The following NRG4 variants were observed in gnomAD, a reference collection of about 807,000 sequenced individuals.
NRG4 encodes neuregulin 4.
In NRG4, 10 loss-of-function variants were observed where a neutral mutation model predicts 15.0. That is an observed-to-expected ratio of 0.67 (90% CI 0.41 to 1.13). The LOEUF (loss-of-function observed/expected upper bound fraction) is 1.13, where lower values mean the gene tolerates loss of function less well. Among genes scored for constraint, NRG4 ranks in the 50% most tolerant of loss-of-function variants. The probability of loss-of-function intolerance (pLI) is 0.00; values close to 1 mark genes in which losing one functional copy is unlikely to be tolerated. For synonymous variants in NRG4, 41 were observed against 50.1 expected, an observed-to-expected ratio of 0.82 and a Z score of 0.77; for missense variants, 139 against 140.2, an observed-to-expected ratio of 0.99 and a Z score of 0.04.
rs114342708 is a variant in NRG4, at chr15:76,036,266, C to T, written c.-104-275G>A. On this transcript the variant is annotated intron_variant, in intron 4 of 8. Transcript: ENST00000563910. ...TGCTCCAGGCAATAGCTCCTCACAT[C>T]ACTGATTATATTGGCATAAACAACT... Among the ~76,000 whole-genome samples the T allele has an allele frequency of 2.5e-3, 383 of 152,362 alleles. 3 individuals carry two copies. The highest frequency in any genetic ancestry group is 8.8e-3 in the African/African-American group (367 of 41,580).
intron 5 of NRG4, among the ~76,000 whole-genome samples, chr15:76,019,627 T>G (rs1307678655): frequency 6.6e-6 from 1 of 152,180 alleles, no homozygotes; most frequent in Non-Finnish European, 1.5e-5. Flanking sequence ...ACTTCCCCGG[T>G]GAGGCGACAC....
At chr15:75,973,661 G>T (rs2033221475) in intron 3 of NRG4, among the ~76,000 whole-genome samples, 1 of 152,180 alleles carries the variant, frequency 6.6e-6, no homozygotes, top group South Asian at 2.1e-4. Flanking sequence ...TTATGTGATG[G>T]ATTACGTGTA....
Position 76,044,620 on chromosome 15 carries a change from G to T in NRG4, c.-105+7447C>A, listed in dbSNP as rs965467844. On this transcript the variant is annotated intron_variant, in intron 4 of 8. Transcript: ENST00000563910. The stretch of plus-strand genomic sequence containing the variant: ...GGAGGCTGAGGTGGGTGGATCATGA[G>T]GTCAGGAGATCAAGACCATCCTGGC... Among the ~76,000 whole-genome samples, 17 of 149,508 alleles carry T rather than the reference G, an allele frequency of 1.1e-4. 1 individual carries two copies. Among genetic ancestry groups the T allele is most frequent in the African/African-American group, 4.3e-4 (17 of 39,774 alleles).
rs991583621 is a variant in NRG4 at position 75,984,180 on chromosome 15, CTA to C, written c.105-22208_105-22207del. On this transcript the variant is annotated intron_variant, in intron 3 of 5. Transcript: ENST00000394907. Reference sequence around the variant, plus strand: ...TACAACACCATCGGTGAACCCTGAACTATGGACTTTGGTGATTATGATGTGTT... The same window carrying C: ...TACAACACCATCGGTGAACCCTGAACTGGACTTTGGTGATTATGATGTGTT... Among the ~76,000 whole-genome samples the C allele has an allele frequency of 2.6e-4, 39 of 152,070 alleles. 1 individual carries two copies. The highest frequency in any genetic ancestry group is 6.3e-3 in the Middle Eastern group (2 of 316).
intron 5 of NRG4, among the ~76,000 whole-genome samples, chr15:75,945,525 T>C (rs1353287715): frequency 6.6e-6 from 1 of 152,144 alleles, no homozygotes; most frequent in East Asian, 1.9e-4. Context: ...TCAAGCACTT[T>C]AAAAATTAAT....
intron 5 of NRG4, among the ~76,000 whole-genome samples, chr15:75,948,784 T>G (rs2141776892): frequency 6.6e-6 from 1 of 151,396 alleles, no homozygotes; most frequent in East Asian, 2.0e-4. Flanking sequence ...GCACAGTGGC[T>G]CATGCCTGTA....
At chr15:76,032,906 C>A (rs1291830369) in intron 5 of NRG4, among the ~76,000 whole-genome samples, 1 of 152,178 alleles carries the variant, frequency 6.6e-6, no homozygotes, top group Non-Finnish European at 1.5e-5. Flanking sequence ...CATTTCCCAG[C>A]AGTCAGTGAT....
At chr15:75,969,415 T>C (rs947310806) in intron 3 of NRG4, among the ~76,000 whole-genome samples, 2 of 152,208 alleles carry the variant, frequency 1.3e-5, no homozygotes, top group African/African-American at 4.8e-5. Flanking sequence ...AATGCATAAT[T>C]TGGTATAACT....
Position 76,036,550 on chromosome 15 carries a change from T to C in NRG4, c.-104-559A>G, listed in dbSNP as rs915631752. 3.9e-5 allele frequency among the ~76,000 whole-genome samples: 6 copies of C among 152,326 alleles called. No homozygotes were observed. In the South Asian group the frequency reaches 1.0e-3, roughly 26 times the overall value. ...TTCCACAGTAGAATGTTGCACCCTA[T>C]AATGGGTGTGTGACATTGGGAGAAA... is the stretch of plus-strand genomic sequence containing the variant. On this transcript the variant is annotated intron_variant, in intron 4 of 8. Transcript: ENST00000563910.
downstream of NRG4, chr15:75,938,131 C>T (rs1234315221): frequency 6.6e-6 from 1 of 152,150 alleles, no homozygotes; most frequent in Admixed American, 6.5e-5. Flanking sequence ...TTTGTAAAAT[C>T]TAGGATTGCT....
intron 4 of NRG4, among the ~76,000 whole-genome samples, chr15:76,037,885 T>C (rs905793900): frequency 6.6e-5 from 10 of 152,104 alleles, no homozygotes; most frequent in African/African-American, 2.4e-4. Context: ...AGGAATTTTG[T>C]CTTGCACCTT....
intron 3 of NRG4, among the ~76,000 whole-genome samples, chr15:75,987,949 G>A (rs773935248): frequency 3.3e-5 from 5 of 152,114 alleles, no homozygotes; most frequent in Non-Finnish European, 2.9e-5. Flanking sequence ...TCTAGGAAGC[G>A]TGTTTGAAGA....
intron 2 of NRG4, among the ~76,000 whole-genome samples, chr15:76,010,489 A>G (rs2034769710): frequency 6.6e-6 from 1 of 152,124 alleles, no homozygotes; most frequent in African/African-American, 2.4e-5. Context: ...TCAAATTTTA[A>G]AACTTTTGTT....
chr15:75,986,206 T>C (rs529333101), intron 3 of NRG4, among the ~76,000 whole-genome samples: 3 of 152,270 alleles, frequency 2.0e-5, no homozygotes, highest in East Asian at 3.9e-4. Flanking sequence ...TTAGGCAACA[T>C]ACTCTGCTAG....
At position 75,941,230 on chromosome 15, in the gene NRG4, G is replaced by T. The variant is rs923975258; in HGVS notation, c.*2408C>A. On this transcript the variant is annotated 3_prime_UTR_variant, in exon 6 of 6. Transcript: ENST00000394907. The stretch of plus-strand genomic sequence containing the variant: ...GAAATGCAAATCAAAACCACATTGA[G>T]ATACCACTTCATACCCACTGGGATA... 1 of 152,096 alleles carries T rather than the reference G, an allele frequency of 6.6e-6. No homozygotes were observed. Among genetic ancestry groups the T allele is most frequent in the African/African-American group, 2.4e-5 (1 of 41,430 alleles). 9.4% of individuals were successfully genotyped at this position (152,096 alleles called of 1,614,324 possible).
At chr15:76,040,965 CAT>C (rs1360225124) in intron 4 of NRG4, among the ~76,000 whole-genome samples, 2 of 152,100 alleles carry the variant, frequency 1.3e-5, no homozygotes, top group African/African-American at 2.4e-5. Context: ...CTTTTCAAAA[CAT>C]AGACAGAACT....
intron 5 of NRG4, among the ~76,000 whole-genome samples, chr15:76,021,610 TTTA>T (rs1397694519): frequency 6.6e-6 from 1 of 152,204 alleles, no homozygotes; most frequent in Non-Finnish European, 1.5e-5. Context: ...ATCAGTATCT[TTTA>T]TTATTTTATT....
intron 3 of NRG4, among the ~76,000 whole-genome samples, chr15:75,987,234 C>T (rs2033829766): frequency 6.6e-6 from 1 of 152,162 alleles, no homozygotes. Flanking sequence ...ATGGAGGTAA[C>T]AGAGTAAAAG....
At position 75,961,974 on chromosome 15, in the gene NRG4, C is replaced by T; in HGVS notation, c.105G>A (p.Arg35=). 1.0e-5 allele frequency: 16 copies of T among 1,596,556 alleles called. No homozygotes were observed. Among genetic ancestry groups the T allele is most frequent in the Non-Finnish European group, 1.4e-5 (16 of 1,173,168 alleles). ...GAGCTCCTGTATAGTTTTCAACGCACCTACAGAATAAAATTTTAGATAAAG... is the reference window on the plus strand; with the variant it reads ...GAGCTCCTGTATAGTTTTCAACGCATCTACAGAATAAAATTTTAGATAAAG... ...VIPTIPSPFC[R]CVENYTGARC... Residue 35 remains arginine, a splice_region_variant and synonymous_variant, in exon 4 of 6, where the codon AGG becomes AGA. Transcript: ENST00000394907.
Sources: allele counts gnomAD v4.1 joint callset (sites outside exome capture counted in the v4.1 genomes callset), GRCh38; gene constraint gnomAD v4.1.1; transcripts MANE v1.5; gene names NCBI Gene and HGNC (gene_info 2026-07-23, HGNC 2026-07-21).